OLA1: variants seen among roughly 807,000 people sequenced by gnomAD.
The protein encoded by OLA1 is obg-like ATPase 1.
OLA1 carries 14 observed loss-of-function variants against 48.4 expected under a neutral mutation model. The ratio of observed to expected loss-of-function variants is 0.29; its 90% CI spans 0.19 to 0.45. The LOEUF is 0.45. Ranked by LOEUF, OLA1 falls within the 20% of genes least tolerant of loss-of-function variation. The pLI, the probability that OLA1 is intolerant of heterozygous loss-of-function variation, is 1.00. For synonymous variants in OLA1, 127 were observed against 150.4 expected (o/e 0.84, Z 1.14); for missense variants, 325 against 467.1 (o/e 0.70, Z 2.80).
chr2:174,148,455 A>G (rs1373100840), intron 4 of OLA1, among the ~76,000 whole-genome samples: 1 of 152,236 alleles, frequency 6.6e-6, no homozygotes, highest in East Asian at 1.9e-4. Context: ...AAATACTCAC[A>G]TAATGCGTAA....
chr2:174,123,477 C>A, intron 6 of OLA1, 118 bp downstream of exon 6: 1 of 657,042 alleles, frequency 1.5e-6, no homozygotes, highest in Non-Finnish European at 2.6e-6. Context: ...AATAAGCAAT[C>A]ACTGACAGAA....
intron 4 of OLA1, among the ~76,000 whole-genome samples, chr2:174,165,859 C>T (rs770406009): frequency 5.9e-5 from 9 of 152,166 alleles, no homozygotes; most frequent in Non-Finnish European, 8.8e-5. Flanking sequence ...CAGTGGCTCA[C>T]GCCTGTAATC....
At chr2:174,172,448 C>T (rs1235272305) in intron 4 of OLA1, 1 of 154,854 alleles carries the variant, frequency 6.5e-6, no homozygotes, top group Non-Finnish European at 1.5e-5. Flanking sequence ...CTTCCTACCT[C>T]CTGACAAGGA....
intron 4 of OLA1, among the ~76,000 whole-genome samples, chr2:174,153,488 C>T (rs569952641): frequency 3.3e-5 from 5 of 152,272 alleles, no homozygotes; most frequent in Admixed American, 2.6e-4. Context: ...TTATCACTGA[C>T]ACCACTTAAC....
At chr2:174,215,279 G>C (rs911145862) in intron 4 of OLA1, among the ~76,000 whole-genome samples, 17 of 152,058 alleles carry the variant, frequency 1.1e-4, no homozygotes, top group Non-Finnish European at 1.6e-4. Flanking sequence ...TGTAAACCCA[G>C]AATGTTACGT....
At chr2:174,115,043 A>T (rs1156663859) in intron 7 of OLA1, among the ~76,000 whole-genome samples, 1 of 152,022 alleles carries the variant, frequency 6.6e-6, no homozygotes, top group Non-Finnish European at 1.5e-5. Context: ...CTGTGATTGC[A>T]CCACTGCACT....
At chr2:174,191,721 C>T (rs930701731) in intron 4 of OLA1, among the ~76,000 whole-genome samples, 6 of 152,046 alleles carry the variant, frequency 3.9e-5, no homozygotes, top group African/African-American at 1.4e-4. Context: ...GCTTGGCCTC[C>T]AACAGTGTTG....
intron 7 of OLA1, among the ~76,000 whole-genome samples, chr2:174,106,623 C>T (rs1480636224): frequency 6.6e-6 from 1 of 151,970 alleles, no homozygotes; most frequent in African/African-American, 2.4e-5. Flanking sequence ...GAAGTTCAGC[C>T]GTTTGTGAAG....
chr2:174,218,949 T>C (rs918842277), intron 4 of OLA1, among the ~76,000 whole-genome samples: 4 of 151,356 alleles, frequency 2.6e-5, no homozygotes, highest in East Asian at 3.9e-4. Flanking sequence ...GCCTCGCAAG[T>C]AGCTGGAACT....
intron 4 of OLA1, among the ~76,000 whole-genome samples, chr2:174,143,987 T>TTGGC (rs1364796030): frequency 6.7e-6 from 1 of 148,296 alleles, no homozygotes; most frequent in Non-Finnish European, 1.5e-5. Context: ...GCTTATACTC[T>TTGGC]TGGCTACTGG....
chr2:174,247,656 A>T (rs1348028863), intron 1 of OLA1: 1 of 1,550,864 alleles, frequency 6.4e-7, no homozygotes, highest in Non-Finnish European at 8.7e-7. Context: ...TTTTTCACAT[A>T]GATGAACACC....
At chr2:174,159,014 C>T (rs952656802) in intron 4 of OLA1, among the ~76,000 whole-genome samples, 1 of 152,184 alleles carries the variant, frequency 6.6e-6, no homozygotes, top group Non-Finnish European at 1.5e-5. Flanking sequence ...AGAACCACTA[C>T]ACTTAGTTAC....
intron 4 of OLA1, among the ~76,000 whole-genome samples, chr2:174,161,680 AT>A (rs1252533827): frequency 0.022 from 1,567 of 71,520 alleles, 18 homozygotes; most frequent in East Asian, 0.044. Flanking sequence ...AAAAAAAAAA[AT>A]ACACACACAC....
intron 5 of OLA1, among the ~76,000 whole-genome samples, chr2:174,125,083 A>T (rs916699299): frequency 1.3e-4 from 20 of 152,248 alleles, no homozygotes; most frequent in Non-Finnish European, 2.1e-4. Flanking sequence ...GGAGAAGATC[A>T]AAGTGCTATA....
chr2:174,139,568 T>G (rs1160781475), intron 5 of OLA1, among the ~76,000 whole-genome samples: 1 of 152,164 alleles, frequency 6.6e-6, no homozygotes, highest in East Asian at 1.9e-4. Context: ...CAAGACTCAC[T>G]ATAGAAGGTG....
chr2:174,144,351 A>G (rs1686529442), intron 4 of OLA1, among the ~76,000 whole-genome samples: 1 of 152,126 alleles, frequency 6.6e-6, no homozygotes, highest in Non-Finnish European at 1.5e-5. Context: ...GTGGTAACAT[A>G]CCATAAGTAG....
chr2:174,093,618 T>A (rs1463343945), intron 7 of OLA1, among the ~76,000 whole-genome samples: 1 of 152,240 alleles, frequency 6.6e-6, no homozygotes, highest in African/African-American at 2.4e-5. Flanking sequence ...AAAATCACTA[T>A]TTTTTAATCT....
intron 7 of OLA1, among the ~76,000 whole-genome samples, chr2:174,112,404 G>A (rs1044455581): frequency 1.1e-4 from 17 of 152,244 alleles, no homozygotes; most frequent in Middle Eastern, 6.8e-3. Context: ...ACTGGCATAA[G>A]GTCAAGTGTG....
Position 174,084,347 on chromosome 2 carries a change from G to A in OLA1, c.729-2283C>T, listed in dbSNP as rs191042609. On this transcript the variant is annotated intron_variant, in intron 7 of 10. Transcript: ENST00000284719. ...TAGCACTCTCCCGTAAAGTGAGTTA[G>A]GCTCTTTGCCTGCCAGCTTCACTTT... Among the ~76,000 whole-genome samples, 353 of 152,220 alleles carry A rather than the reference G, an allele frequency of 2.3e-3. 2 individuals are homozygous for A. Among genetic ancestry groups the A allele is most frequent in the African/African-American group, 8.1e-3 (336 of 41,536 alleles).
Sources: gnomAD v4.1 joint callset for allele counts (sites outside exome capture counted in the v4.1 genomes callset) on GRCh38, gnomAD v4.1.1 for gene constraint, MANE v1.5 for transcripts, NCBI Gene and HGNC (gene_info 2026-07-23, HGNC 2026-07-21) for gene names.